Variants in CNTNAP5 observed in about 807,000 individuals in gnomAD.
CNTNAP5 encodes contactin-associated protein-like 5.
In CNTNAP5, 72 loss-of-function variants were observed where a neutral mutation model predicts 150.2. That is an observed-to-expected ratio of 0.48 (90% CI 0.40 to 0.58). CNTNAP5 has a LOEUF of 0.58. CNTNAP5 is among the 20% of genes least tolerant of loss of function. The pLI, the probability that CNTNAP5 is intolerant of heterozygous loss-of-function variation, is 0.00. For synonymous variants in CNTNAP5, 672 were observed against 619.8 expected, an observed-to-expected ratio of 1.08 and a Z score of -1.25; for missense variants, 1,636 against 1,626.2, an observed-to-expected ratio of 1.01 and a Z score of -0.10.
chr2:124,805,978 C>G (rs556887166), intron 19 of CNTNAP5, among the ~76,000 whole-genome samples: 1 of 152,130 alleles, frequency 6.6e-6, no homozygotes, highest in Non-Finnish European at 1.5e-5. Flanking sequence ...GCCTCCTTTC[C>G]GAATACAGCC....
chr2:124,382,625 C>A (rs921586057), intron 3 of CNTNAP5, among the ~76,000 whole-genome samples: 4 of 152,136 alleles, frequency 2.6e-5, no homozygotes, highest in African/African-American at 9.7e-5. Flanking sequence ...CATATACACT[C>A]TCCAATTTAT....
intron 6 of CNTNAP5, among the ~76,000 whole-genome samples, chr2:124,473,011 T>C (rs924442763): frequency 6.6e-6 from 1 of 151,986 alleles, no homozygotes; most frequent in African/African-American, 2.4e-5. Flanking sequence ...GTATATGATT[T>C]AATATAAAAG....
intron 19 of CNTNAP5, among the ~76,000 whole-genome samples, chr2:124,834,672 G>A (rs1324244595): frequency 1.3e-5 from 2 of 152,016 alleles, no homozygotes; most frequent in Non-Finnish European, 2.9e-5. Context: ...CATACTAAGG[G>A]AGCTCTATAG....
At chr2:124,700,961 C>T (rs1431108744) in intron 13 of CNTNAP5, among the ~76,000 whole-genome samples, 3 of 151,998 alleles carry the variant, frequency 2.0e-5, no homozygotes, top group East Asian at 3.9e-4. Flanking sequence ...GGCAAATTAA[C>T]GTATCTATCA....
intron 13 of CNTNAP5, among the ~76,000 whole-genome samples, chr2:124,698,609 G>A (rs1381438171): frequency 6.6e-6 from 1 of 152,094 alleles, no homozygotes; most frequent in Non-Finnish European, 1.5e-5. Context: ...GACTCTGGAA[G>A]GCTCACATAG....
intron 1 of CNTNAP5, among the ~76,000 whole-genome samples, chr2:124,136,484 A>G (rs6754442): frequency 0.012 from 1,843 of 152,296 alleles, 23 homozygotes; most frequent in Non-Finnish European, 0.02. Flanking sequence ...TCAGTTTGAC[A>G]CTTATTATAC....
At chr2:124,669,959 A>G (rs1037717759) in intron 13 of CNTNAP5, among the ~76,000 whole-genome samples, 2 of 152,060 alleles carry the variant, frequency 1.3e-5, no homozygotes, top group Non-Finnish European at 2.9e-5. Context: ...AACTGCTCAC[A>G]ATATCTATGT....
intron 21 of CNTNAP5, among the ~76,000 whole-genome samples, chr2:124,882,723 A>G (rs2104739465): frequency 6.6e-6 from 1 of 152,180 alleles, no homozygotes; most frequent in African/African-American, 2.4e-5. Context: ...TCACACTGCT[A>G]ATAAAGATAT....
intron 1 of CNTNAP5, among the ~76,000 whole-genome samples, chr2:124,130,034 G>C (rs1683808923): frequency 6.6e-6 from 1 of 152,112 alleles, no homozygotes; most frequent in South Asian, 2.1e-4. Context: ...TATATGGATT[G>C]TCAATTTGCC....
intron 13 of CNTNAP5, among the ~76,000 whole-genome samples, chr2:124,710,614 T>C (rs1485913759): frequency 1.3e-5 from 2 of 152,102 alleles, no homozygotes; most frequent in African/African-American, 2.4e-5. Context: ...GATATGGCAA[T>C]TTGCTTCCAT....
At chr2:124,829,395 G>A (rs987547009) in intron 19 of CNTNAP5, among the ~76,000 whole-genome samples, 1 of 152,102 alleles carries the variant, frequency 6.6e-6, no homozygotes, top group African/African-American at 2.4e-5. Context: ...GTATTTGTAA[G>A]GAATTGGGCA....
At chr2:124,548,643 G>C (rs1258904816) in intron 10 of CNTNAP5, among the ~76,000 whole-genome samples, 2 of 151,698 alleles carry the variant, frequency 1.3e-5, no homozygotes, top group African/African-American at 2.4e-5. Flanking sequence ...AAACAAAACA[G>C]TTAAAAAAAG....
intron 10 of CNTNAP5, among the ~76,000 whole-genome samples, chr2:124,562,087 A>T (rs531762307): frequency 6.6e-6 from 1 of 152,182 alleles, no homozygotes; most frequent in Non-Finnish European, 1.5e-5. Context: ...AGAATAACCC[A>T]AAGGCACCAT....
At chr2:124,910,991 T>C (rs1334872409) in intron 22 of CNTNAP5, among the ~76,000 whole-genome samples, 1 of 151,996 alleles carries the variant, frequency 6.6e-6, no homozygotes, top group Non-Finnish European at 1.5e-5. Context: ...TATATGGTAC[T>C]GTACACACAG....
rs1384688110 is a variant in CNTNAP5 at position 124,918,241 on chromosome 2, C to T, written c.*3953C>T. Among the ~76,000 whole-genome samples the T allele has an allele frequency of 6.6e-6, 1 of 152,028 alleles. No individual in the cohort carries two copies. Among genetic ancestry groups the T allele is most frequent in the Non-Finnish European group, 1.5e-5 (1 of 67,982 alleles). On this transcript the variant is annotated 3_prime_UTR_variant, in exon 24 of 24. Coordinates refer to ENST00000682447, the MANE Select transcript of CNTNAP5 (RefSeq NM_001367498.1). ...CATGTGTTTATGACCTATTGCATGC[C>T]GTTGTTCTTCCAGATGTTCCTGAAG...
intron 10 of CNTNAP5, among the ~76,000 whole-genome samples, chr2:124,541,238 A>G (rs889447703): frequency 8.0e-6 from 1 of 125,448 alleles, no homozygotes; most frequent in African/African-American, 3.0e-5. Context: ...GCTGAAAACA[A>G]ATTCCCCACA....
chr2:124,747,948 C>T (rs1680645395), intron 14 of CNTNAP5, among the ~76,000 whole-genome samples: 1 of 151,500 alleles, frequency 6.6e-6, no homozygotes, highest in African/African-American at 2.4e-5. Flanking sequence ...CCACCAGCTT[C>T]TTATATTCAG....
chr2:124,288,195 G>A (rs1055420222), intron 3 of CNTNAP5, among the ~76,000 whole-genome samples: 1 of 152,150 alleles, frequency 6.6e-6, no homozygotes, highest in African/African-American at 2.4e-5. Context: ...CTCCCAAAAT[G>A]CTGAGATTAC....
At chr2:124,405,711 T>C (rs1691552559) in intron 3 of CNTNAP5, among the ~76,000 whole-genome samples, 1 of 152,232 alleles carries the variant, frequency 6.6e-6, no homozygotes, top group South Asian at 2.1e-4. Context: ...AAAGTACTGA[T>C]CTGGTTTCCA....
Sources: allele counts gnomAD v4.1 joint callset (sites outside exome capture counted in the v4.1 genomes callset), GRCh38; gene constraint gnomAD v4.1.1; transcripts MANE v1.5; gene names NCBI Gene and HGNC (gene_info 2026-07-23, HGNC 2026-07-21).